PCSK5: variants seen among roughly 807,000 people sequenced by gnomAD.
PCSK5 encodes proprotein convertase subtilisin/kexin type 5, also known as prohormone convertase 5.
A neutral mutation model predicts 233.2 loss-of-function variants in PCSK5; 129 were observed. The observed-to-expected ratio is 0.55, with a 90% CI of 0.48 to 0.64. The LOEUF (loss-of-function observed/expected upper bound fraction) is 0.64, where lower values mean the gene tolerates loss of function less well. PCSK5 is among the 30% of genes least tolerant of loss of function. PCSK5 has a pLI of 0.00. For synonymous variants in PCSK5, 825 were observed against 879.2 expected, an observed-to-expected ratio of 0.94 and a Z score of 1.09; for missense variants, 2,076 against 2,430.1, an observed-to-expected ratio of 0.85 and a Z score of 3.06.
chr9:75,920,846 A>T (rs1461913621), intron 1 of PCSK5, among the ~76,000 whole-genome samples: 1 of 152,132 alleles, frequency 6.6e-6, no homozygotes, highest in Non-Finnish European at 1.5e-5. Flanking sequence ...AAATAAAAAA[A>T]TGCTATAGAG....
chr9:75,929,422 T>C (rs1823673731), intron 1 of PCSK5, among the ~76,000 whole-genome samples: 1 of 151,028 alleles, frequency 6.6e-6, no homozygotes. Context: ...TAACTAGAGG[T>C]GCATATTCTT....
chr9:75,951,834 A>G (rs1824872720), intron 2 of PCSK5, among the ~76,000 whole-genome samples: 1 of 152,210 alleles, frequency 6.6e-6, no homozygotes, highest in Admixed American at 6.5e-5. Flanking sequence ...ATTATAAGTA[A>G]TCTAGAGATG....
At chr9:76,162,896 C>T (rs1329799192) in intron 12 of PCSK5, among the ~76,000 whole-genome samples, 1 of 152,122 alleles carries the variant, frequency 6.6e-6, no homozygotes, top group Non-Finnish European at 1.5e-5. Context: ...GTGGAAAACT[C>T]CCCAAGGCCT....
chr9:76,184,713 A>G lies in PCSK5; in HGVS notation c.2238A>G (p.Thr746=), dbSNP rs1000469531. The part of the protein sequence containing the change: ...LCRKCSENCK[T]CTEFHNCTEC... The stretch of plus-strand genomic sequence containing the variant: ...GGAAATGCAGTGAAAACTGCAAGAC[A>G]TGTACTGAATTCCATAACTGTACAG... The change falls in exon 17 of 38, where the codon ACA becomes ACG. Residue 746 remains threonine (T), a synonymous_variant. Coordinates refer to ENST00000674117, the MANE Select transcript of PCSK5 (RefSeq NM_001372043.1). 6.2e-7 allele frequency: 1 copy of G among 1,611,994 alleles called. No homozygotes were observed. Among genetic ancestry groups the G allele is most frequent in the South Asian group, 1.1e-5 (1 of 90,986 alleles).
At chr9:76,030,287 C>G (rs1828600796) in intron 5 of PCSK5, among the ~76,000 whole-genome samples, 2 of 151,964 alleles carry the variant, frequency 1.3e-5, no homozygotes, top group Admixed American at 1.3e-4. Context: ...TCCCTTTATT[C>G]TAATGTCATA....
chr9:76,332,637 T>A, intron 34 of PCSK5, 27 bp downstream of exon 34: 1 of 1,498,590 alleles, frequency 6.7e-7, no homozygotes, highest in East Asian at 2.5e-5. Context: ...TTTTCCCCCA[T>A]GTAATTTCAC....
At chr9:76,200,644 G>A (rs1824876983) in intron 20 of PCSK5, among the ~76,000 whole-genome samples, 1 of 152,184 alleles carries the variant, frequency 6.6e-6, no homozygotes, top group Admixed American at 6.5e-5. Flanking sequence ...GGATAAGCAA[G>A]AAATTAAAAA....
At chr9:76,337,776 G>A (rs1406992671) in intron 34 of PCSK5, among the ~76,000 whole-genome samples, 2 of 151,796 alleles carry the variant, frequency 1.3e-5, no homozygotes, top group Non-Finnish European at 2.9e-5. Context: ...ACCCAGCCTG[G>A]ATGGATCTTT....
At chr9:76,022,965 A>G (rs1438601511) in intron 3 of PCSK5, among the ~76,000 whole-genome samples, 2 of 152,138 alleles carry the variant, frequency 1.3e-5, no homozygotes, top group Non-Finnish European at 2.9e-5. Context: ...TGGGTTTTTC[A>G]TAGGAGCACA....
intron 20 of PCSK5, chr9:76,193,120 G>A (rs1202535092): frequency 4.8e-5 from 39 of 805,238 alleles, no homozygotes; most frequent in Non-Finnish European, 6.9e-5. Flanking sequence ...ACTCCTGAAT[G>A]ATCTCTTCCA....
chr9:76,118,546 A>C (rs1245337998), intron 9 of PCSK5, among the ~76,000 whole-genome samples: 1 of 152,076 alleles, frequency 6.6e-6, no homozygotes, highest in Non-Finnish European at 1.5e-5. Context: ...TGCCACTAGT[A>C]TCTTAGAAGC....
chr9:76,349,276 AAAAAAAAAAAAAAAAG>A (rs1182614501), intron 35 of PCSK5, among the ~76,000 whole-genome samples: 1 of 100,888 alleles, frequency 9.9e-6, no homozygotes, highest in African/African-American at 2.8e-5. Context: ...TCTGTCTCAA[AAAAAAAAAAAAAAAAG>A]AAAAAAGAAA....
intron 33 of PCSK5, 89 bp from the exon 34 acceptor site, chr9:76,332,344 C>A: frequency 1.1e-6 from 1 of 908,982 alleles, no homozygotes. Flanking sequence ...GCCCTCTCCT[C>A]CCTCCCGCCA....
intron 5 of PCSK5, among the ~76,000 whole-genome samples, chr9:76,046,578 TGAGACGGA>T (rs1829411735): frequency 7.3e-6 from 1 of 136,750 alleles, no homozygotes; most frequent in African/African-American, 3.2e-5. Context: ...TTTTTTTTTT[TGAGACGGA>T]GTGTGGCTCT....
intron 3 of PCSK5, among the ~76,000 whole-genome samples, chr9:75,991,497 T>C (rs1381903079): frequency 6.6e-6 from 1 of 152,230 alleles, no homozygotes; most frequent in African/African-American, 2.4e-5. Context: ...ATTTAACTTT[T>C]TCTTGATCTT....
chr9:76,149,049 G>A (rs1318361102), intron 10 of PCSK5, among the ~76,000 whole-genome samples: 2 of 152,148 alleles, frequency 1.3e-5, no homozygotes, highest in Non-Finnish European at 2.9e-5. Context: ...TCTTCTAAAA[G>A]AACATCCAGT....
intron 10 of PCSK5, among the ~76,000 whole-genome samples, chr9:76,148,186 C>A (rs965571645): frequency 6.6e-6 from 1 of 151,578 alleles, no homozygotes; most frequent in Non-Finnish European, 1.5e-5. Context: ...AGGATTCATG[C>A]TCTAGATCAA....
chr9:75,920,051 C>T (rs1203826500), intron 1 of PCSK5, among the ~76,000 whole-genome samples: 1 of 152,154 alleles, frequency 6.6e-6, no homozygotes, highest in South Asian at 2.1e-4. Flanking sequence ...TGCCTGTAAT[C>T]CCAACTACTT....
chr9:75,991,950 G>T (rs535975600), intron 3 of PCSK5, among the ~76,000 whole-genome samples: 1 of 152,090 alleles, frequency 6.6e-6, no homozygotes. Context: ...AAAAAAATTA[G>T]TTAGGCTTGG....
Sources: allele counts gnomAD v4.1 joint callset (sites outside exome capture counted in the v4.1 genomes callset), GRCh38; gene constraint gnomAD v4.1.1; transcripts MANE v1.5; gene names NCBI Gene and HGNC (gene_info 2026-07-23, HGNC 2026-07-21).